Variants in TCF20 observed in about 807,000 individuals in gnomAD.
The protein encoded by TCF20 is transcription factor 20.
TCF20 carries 3 observed loss-of-function variants against 148.6 expected under a neutral mutation model. That is an observed-to-expected ratio of 0.02 (90% CI 0.01 to 0.05). The LOEUF (loss-of-function observed/expected upper bound fraction) is 0.05. TCF20 is among the 10% of genes least tolerant of loss of function. The pLI, the probability that TCF20 is intolerant of heterozygous loss-of-function variation, is 1.00. For synonymous variants in TCF20, 1,049 were observed against 909.5 expected, an observed-to-expected ratio of 1.15 and a Z score of -2.76; for missense variants, 2,350 against 2,429.3, an observed-to-expected ratio of 0.97 and a Z score of 0.69.
At chr22:42,251,663 T>C (rs1395882232) in intron 1 of TCF20, among the ~76,000 whole-genome samples, 1 of 151,128 alleles carries the variant, frequency 6.6e-6, no homozygotes, top group Non-Finnish European at 1.5e-5. Flanking sequence ...CAACCATGCC[T>C]AGATAATTTT....
intron 1 of TCF20, among the ~76,000 whole-genome samples, chr22:42,247,890 T>C (rs914590877): frequency 5.3e-5 from 8 of 152,126 alleles, no homozygotes; most frequent in Non-Finnish European, 1.0e-4. Context: ...TCACTTAAAA[T>C]CACTAACTAG....
At chr22:42,229,537 C>T (rs534990509) in intron 1 of TCF20, among the ~76,000 whole-genome samples, 11 of 152,210 alleles carry the variant, frequency 7.2e-5, no homozygotes, top group South Asian at 4.1e-4. Flanking sequence ...AAGAGAGTAA[C>T]GCAGGTACAG....
chr22:42,326,417 G>A (rs922893694), intron 1 of TCF20, among the ~76,000 whole-genome samples: 4 of 152,168 alleles, frequency 2.6e-5, no homozygotes, highest in Non-Finnish European at 5.9e-5. Context: ...CCCAAGAGCC[G>A]TGCACCAAAT....
intron 1 of TCF20, among the ~76,000 whole-genome samples, chr22:42,312,246 C>T (rs1927549328): frequency 1.3e-5 from 2 of 152,196 alleles, no homozygotes; most frequent in Non-Finnish European, 2.9e-5. Context: ...TCTGCCACTG[C>T]CCCTCCTGAC....
chr22:42,215,055 T>C lies in TCF20; in HGVS notation c.251A>G (p.Lys84Arg). 6.2e-7 allele frequency: 1 copy of C among 1,614,172 alleles called. No homozygotes were observed. The highest frequency in any genetic ancestry group is 8.5e-7 in the Non-Finnish European group (1 of 1,180,022). ...SGHQGYQGFR[K>R]EAGDFYYMAG... ...CATGTAGTAAAAATCTCCAGCCTCT[T>C]TCCTGAAACCCTGGTAACCTTGATG... The change falls in exon 2 of 6, where the codon AAA becomes AGA. Residue 84 changes from lysine (K) to arginine (R), a missense_variant. Transcript: ENST00000677622.
rs571008190 is a variant in TCF20, at chr22:42,214,306, C to T, written c.1000G>A (p.Ala334Thr). 5 of 1,614,184 alleles carry T rather than the reference C, an allele frequency of 3.1e-6. No homozygotes were observed. The highest frequency in any genetic ancestry group is 1.3e-5 in the African/African-American group (1 of 75,048). ...CTTTGCAGGGGCAGCTTGGTGGCAGCGTTAGTATACTGCATCACATGCTGA... is the reference window on the plus strand; with the variant it reads ...CTTTGCAGGGGCAGCTTGGTGGCAGTGTTAGTATACTGCATCACATGCTGA... Reference protein sequence around the residue: ...PSQHVMQYTNAATKLPLQSQV... With the variant: ...PSQHVMQYTNTATKLPLQSQV... Residue 334 changes from alanine to threonine, a missense_variant, in exon 2 of 6, where the codon GCT (alanine) becomes ACT (threonine). This residue lies in a region of TCF20 where 1,641 missense variants were observed against 1,662.6 expected (regional missense o/e 0.99). Transcript: ENST00000677622.
Position 42,211,738 on chromosome 22 carries a change from C to T in TCF20, c.3568G>A (p.Asp1190Asn). The stretch of plus-strand genomic sequence containing the variant: ...GCTGGAGAAGTTTGCCGAGAAAGAT[C>T]CCAACAGGATTCTTGTAACTTCTGG... ...GSQKLQESCW[D>N]LSRQTSPAKS... is the part of the protein sequence containing the mutation. The change falls in exon 2 of 6, where the codon GAT becomes AAT. Residue 1190 changes from aspartate to asparagine, a missense_variant. Physicochemically the swap from Asp to Asn is conservative, Grantham distance 23. Around this residue, in one of 7 missense-constraint regions of TCF20, gnomAD observed 1,641 missense variants for 1,662.6 expected, o/e 0.99. Transcript: ENST00000677622. 6.2e-7 allele frequency: 1 copy of T among 1,614,160 alleles called. No homozygotes were observed. Among genetic ancestry groups the T allele is most frequent in the Middle Eastern group, 1.6e-4 (1 of 6,062 alleles).
chr22:42,229,541 G>A (rs189519235), intron 1 of TCF20, among the ~76,000 whole-genome samples: 1 of 152,286 alleles, frequency 6.6e-6, no homozygotes, highest in East Asian at 1.9e-4. Flanking sequence ...GAGTAACGCA[G>A]GTACAGTACA....
chr22:42,177,434 C>G (rs982909373), intron 3 of TCF20, among the ~76,000 whole-genome samples: 1 of 152,036 alleles, frequency 6.6e-6, no homozygotes, highest in African/African-American at 2.4e-5. Flanking sequence ...AAGTAAAAAA[C>G]TTAATAAACT....
At chr22:42,207,965 G>T (rs1938504655) in intron 2 of TCF20, among the ~76,000 whole-genome samples, 1 of 152,250 alleles carries the variant, frequency 6.6e-6, no homozygotes, top group Non-Finnish European at 1.5e-5. Flanking sequence ...GACGTGGGAG[G>T]ATTGCTTAAG....
Position 42,211,064 on chromosome 22 carries a change from C to T in TCF20, c.4242G>A (p.Ser1414=). Residue 1414 remains serine, a synonymous_variant, in exon 2 of 6, where the codon TCG becomes TCA. Coordinates refer to ENST00000677622, the MANE Select transcript of TCF20 (RefSeq NM_001378418.1). ...DIEKRKGEVA[S]DLVSPANQEL... is the part of the protein sequence containing the mutation. ...CCTGGTTTGCTGGACTGACTAGGTC[C>T]GAAGCCACCTCACCTTTTCTCTTCT... 10 of 1,614,092 alleles carry T rather than the reference C, an allele frequency of 6.2e-6. No homozygotes were observed. The highest frequency in any genetic ancestry group is 1.1e-5 in the South Asian group (1 of 91,072).
intron 2 of TCF20, among the ~76,000 whole-genome samples, chr22:42,194,187 T>G (rs1258201239): frequency 6.6e-6 from 1 of 152,184 alleles, no homozygotes; most frequent in Non-Finnish European, 1.5e-5. Context: ...TGGAAGATCT[T>G]AAACAGAGAA....
At chr22:42,165,374 T>C (rs1309980693) in intron 5 of TCF20, among the ~76,000 whole-genome samples, 1 of 152,244 alleles carries the variant, frequency 6.6e-6, no homozygotes, top group Non-Finnish European at 1.5e-5. Context: ...ATGCTTCCCA[T>C]GTGCTGGACC....
chr22:42,268,099 T>G lies in TCF20; in HGVS notation c.-37+2240A>C, dbSNP rs558125480. 3.3e-5 allele frequency among the ~76,000 whole-genome samples: 5 copies of G among 152,266 alleles called. No homozygotes were observed. In the South Asian group the frequency reaches 1.0e-3, roughly 32 times the overall value. ...AGGTAGAGGCTGCAGTGAGCTGAGA[T>G]CGTGCCACTGCACTCCAGCCTGGAC... is the stretch of plus-strand genomic sequence containing the variant. On this transcript the variant is annotated intron_variant, in intron 1 of 5. Coordinates refer to ENST00000677622, the MANE Select transcript of TCF20 (RefSeq NM_001378418.1).
intron 1 of TCF20, among the ~76,000 whole-genome samples, chr22:42,261,046 C>T (rs1569191707): frequency 6.6e-6 from 1 of 152,200 alleles, no homozygotes. Flanking sequence ...CAACACCAAT[C>T]TGAAATCTAG....
At chr22:42,168,268 G>A (rs908872587) in intron 5 of TCF20, among the ~76,000 whole-genome samples, 3 of 152,200 alleles carry the variant, frequency 2.0e-5, no homozygotes, top group Non-Finnish European at 4.4e-5. Context: ...ACGGGGGAAA[G>A]AGCAGGGGCT....
chr22:42,258,273 C>A (rs1033983971), intron 1 of TCF20, among the ~76,000 whole-genome samples: 1 of 151,928 alleles, frequency 6.6e-6, no homozygotes, highest in South Asian at 2.1e-4. Flanking sequence ...CCTCCCCCCC[C>A]TTCCCTAGGC....
intron 1 of TCF20, among the ~76,000 whole-genome samples, chr22:42,341,262 G>C (rs1928163256): frequency 6.6e-6 from 1 of 152,164 alleles, no homozygotes; most frequent in Admixed American, 6.5e-5. Flanking sequence ...TAATGAAGAT[G>C]GCCGACATTA....
chr22:42,325,096 G>A (rs981732468), intron 1 of TCF20, among the ~76,000 whole-genome samples: 10 of 152,242 alleles, frequency 6.6e-5, no homozygotes, highest in African/African-American at 1.4e-4. Context: ...GCTCTCTGCC[G>A]GCAGCCCCAA....
Sources: allele counts gnomAD v4.1 joint callset (sites outside exome capture counted in the v4.1 genomes callset), GRCh38; gene constraint gnomAD v4.1.1; regional missense constraint gnomAD v4.1.1; transcripts MANE v1.5; gene names NCBI Gene and HGNC (gene_info 2026-07-23, HGNC 2026-07-21).